MARCHF1: variants seen among roughly 807,000 people sequenced by gnomAD.
The protein encoded by MARCHF1 is membrane associated ring-CH-type finger 1, also known as E3 ubiquitin-protein ligase MARCHF1.
A neutral mutation model predicts 54.2 loss-of-function variants in MARCHF1; 40 were observed. The observed-to-expected ratio is 0.74, with a 90% CI of 0.57 to 0.96. The LOEUF (loss-of-function observed/expected upper bound fraction) is 0.96, where lower values mean the gene tolerates loss of function less well. Ranked by LOEUF, MARCHF1 falls within the 40% of genes least tolerant of loss-of-function variation. The pLI is 0.00. For missense variants in MARCHF1, 586 were observed against 656.5 expected (o/e 0.89, Z 1.17); for synonymous variants, 236 against 236.3 (o/e 1.00, Z 0.01).
At chr4:164,223,458 T>C (rs1254435886) in intron 1 of MARCHF1, among the ~76,000 whole-genome samples, 1 of 152,004 alleles carries the variant, frequency 6.6e-6, no homozygotes, top group Non-Finnish European at 1.5e-5. Flanking sequence ...ATGGGTGCAA[T>C]AACAAACTTA....
At chr4:163,868,112 G>A (rs1385167317) in intron 3 of MARCHF1, among the ~76,000 whole-genome samples, 5 of 152,006 alleles carry the variant, frequency 3.3e-5, no homozygotes, top group Middle Eastern at 3.4e-3. Context: ...CCAAGAAATG[G>A]ATGGGTGCAA....
At chr4:163,982,995 T>C (rs1226513937) in intron 3 of MARCHF1, among the ~76,000 whole-genome samples, 1 of 152,128 alleles carries the variant, frequency 6.6e-6, no homozygotes, top group Non-Finnish European at 1.5e-5. Flanking sequence ...TGAAGGCCCA[T>C]CCCAAATCAC....
At chr4:163,630,081 A>T (rs1393702877) in intron 5 of MARCHF1, among the ~76,000 whole-genome samples, 1 of 152,212 alleles carries the variant, frequency 6.6e-6, no homozygotes, top group Non-Finnish European at 1.5e-5. Context: ...ATTCTTTTAT[A>T]TACTTACCTA....
intron 1 of MARCHF1, among the ~76,000 whole-genome samples, chr4:164,176,964 CTCTCTCTCTCTCTCTCTATA>C (rs1262187400): frequency 1.5e-4 from 7 of 47,714 alleles, no homozygotes; most frequent in African/African-American, 4.4e-4. Context: ...CTCTCTCTCT[CTCTCTCTCTCTCTCTCTATA>C]TATATATATA....
rs769603758 is a variant in MARCHF1 at position 163,854,092 on chromosome 4, T to C, written c.40A>G (p.Arg14Gly). 14 of 1,536,824 alleles carry C rather than the reference T, an allele frequency of 9.1e-6. No individual in the cohort carries two copies. The highest frequency in any genetic ancestry group is 1.2e-5 in the Non-Finnish European group (14 of 1,146,666). The change falls in exon 4 of 10, where the codon AGA (arginine) becomes GGA (glycine). Residue 14 changes from arginine (R) to glycine (G), a missense_variant. Physicochemically the swap from Arg to Gly is moderately radical, Grantham distance 125. Transcript: ENST00000514618. ...WCEAIARNPHRIPNNTRTPEI... is the reference protein window; with the variant it reads ...WCEAIARNPHGIPNNTRTPEI... Reference sequence around the variant, plus strand: ...GGTGTTCGCGTGTTGTTTGGAATTCTGTGAGGGTTACGGGCTATCGCTTCA... The same window carrying C: ...GGTGTTCGCGTGTTGTTTGGAATTCCGTGAGGGTTACGGGCTATCGCTTCA...
At chr4:163,670,388 GTCTATCTATCTATCTA>G (rs74831110) in intron 5 of MARCHF1, among the ~76,000 whole-genome samples, 1 of 150,112 alleles carries the variant, frequency 6.7e-6, no homozygotes, top group Non-Finnish European at 1.5e-5. Context: ...CTATCTGTCT[GTCTATCTATCTATCTA>G]TCTATCTATC....
intron 4 of MARCHF1, among the ~76,000 whole-genome samples, chr4:163,760,499 G>T (rs1746798415): frequency 6.6e-6 from 1 of 152,086 alleles, no homozygotes; most frequent in Admixed American, 6.6e-5. Context: ...TGATGCCTTT[G>T]CTTTCTTCTT....
chr4:163,562,421 C>G (rs558877297), intron 8 of MARCHF1, among the ~76,000 whole-genome samples: 58 of 152,306 alleles, frequency 3.8e-4, no homozygotes, highest in African/African-American at 1.3e-3. Flanking sequence ...GCACCTGATA[C>G]TATTGACTAT....
intron 4 of MARCHF1, among the ~76,000 whole-genome samples, chr4:163,839,341 A>C (rs1749274445): frequency 6.6e-6 from 1 of 152,100 alleles, no homozygotes; most frequent in Non-Finnish European, 1.5e-5. Flanking sequence ...AGTTACCATA[A>C]GACCAATCAA....
At chr4:164,314,822 A>C (rs1734954652) in intron 1 of MARCHF1, among the ~76,000 whole-genome samples, 1 of 152,204 alleles carries the variant, frequency 6.6e-6, no homozygotes, top group Non-Finnish European at 1.5e-5. Context: ...CACTAAGTTT[A>C]TAATGTGATG....
intron 1 of MARCHF1, among the ~76,000 whole-genome samples, chr4:164,147,843 A>C (rs28655764): frequency 6.9e-6 from 1 of 144,276 alleles, no homozygotes; most frequent in Non-Finnish European, 1.5e-5. Flanking sequence ...GTCAATAAAA[A>C]AAATAAATTC....
intron 4 of MARCHF1, among the ~76,000 whole-genome samples, chr4:163,789,756 G>A (rs1278783699): frequency 6.6e-6 from 1 of 152,018 alleles, no homozygotes; most frequent in Admixed American, 6.6e-5. Context: ...GGAAAATATA[G>A]TACTTGGACT....
chr4:164,218,547 G>GT (rs1208658507), intron 1 of MARCHF1, among the ~76,000 whole-genome samples: 1 of 152,068 alleles, frequency 6.6e-6, no homozygotes, highest in Non-Finnish European at 1.5e-5. Context: ...CATGTCCTTT[G>GT]TAGTGGCATG....
At chr4:164,020,053 T>A (rs1753628538) in intron 2 of MARCHF1, among the ~76,000 whole-genome samples, 1 of 152,204 alleles carries the variant, frequency 6.6e-6, no homozygotes, top group African/African-American at 2.4e-5. Flanking sequence ...GCAATCTTCC[T>A]TGCAAAGAAC....
At chr4:163,672,518 A>C (rs1743772947) in intron 5 of MARCHF1, among the ~76,000 whole-genome samples, 3 of 152,224 alleles carry the variant, frequency 2.0e-5, no homozygotes, top group Non-Finnish European at 1.5e-5. Context: ...TTAATAAAAT[A>C]GTATAGCTGC....
rs147982282 is a variant in MARCHF1 at position 164,239,928 on chromosome 4, T to G, written c.-322-128266A>C. Among the ~76,000 whole-genome samples the G allele has an allele frequency of 5.9e-3, 903 of 152,336 alleles. 5 individuals carry two copies. Among genetic ancestry groups the G allele is most frequent in the African/African-American group, 0.02 (841 of 41,584 alleles). ...ATTTTATAGAAAATATGTTCTTCTA[T>G]TTCTTGCATTGATAAGTACATGCTT... On this transcript the variant is annotated intron_variant, in intron 1 of 9. Coordinates refer to ENST00000514618, the MANE Select transcript of MARCHF1 (RefSeq NM_001394959.1).
At chr4:164,341,264 C>T (rs1729919242) in intron 1 of MARCHF1, among the ~76,000 whole-genome samples, 1 of 132,156 alleles carries the variant, frequency 7.6e-6, no homozygotes, top group East Asian at 2.4e-4. Flanking sequence ...CACCAGCTTA[C>T]ATCAAAAGCA....
chr4:164,085,292 T>C (rs572252817), intron 2 of MARCHF1, among the ~76,000 whole-genome samples: 1 of 151,944 alleles, frequency 6.6e-6, no homozygotes, highest in South Asian at 2.1e-4. Context: ...AATCCCTAGA[T>C]AAACCAAAAA....
intron 3 of MARCHF1, among the ~76,000 whole-genome samples, chr4:163,884,613 G>T (rs1389686953): frequency 6.6e-6 from 1 of 152,108 alleles, no homozygotes; most frequent in Non-Finnish European, 1.5e-5. Flanking sequence ...CACAGATTTT[G>T]TCCGGTTCAC....
Sources: allele counts gnomAD v4.1 joint callset (sites outside exome capture counted in the v4.1 genomes callset), GRCh38; gene constraint gnomAD v4.1.1; transcripts MANE v1.5; gene names NCBI Gene and HGNC (gene_info 2026-07-23, HGNC 2026-07-21).